The following HS2ST1 variants were observed in gnomAD, a reference collection of about 807,000 sequenced individuals.
HS2ST1 encodes 2-O-sulfotransferase.
A neutral mutation model predicts 42.9 loss-of-function variants in HS2ST1; 18 were observed. That is an observed-to-expected ratio of 0.42 (90% CI 0.29 to 0.62). The LOEUF is 0.62. Ranked by LOEUF, HS2ST1 falls within the 20% of genes least tolerant of loss-of-function variation. The pLI, the probability that HS2ST1 is intolerant of heterozygous loss-of-function variation, is 0.21. For missense variants in HS2ST1, 334 were observed against 433.8 expected (o/e 0.77, Z 2.04); for synonymous variants, 146 against 152.9 (o/e 0.95, Z 0.33).
intron 1 of HS2ST1, among the ~76,000 whole-genome samples, chr1:86,947,729 T>C (rs910311194): frequency 2.0e-5 from 3 of 152,164 alleles, no homozygotes; most frequent in Non-Finnish European, 4.4e-5. Flanking sequence ...TATTCAGAGT[T>C]ATTATATGCT....
At chr1:86,944,513 C>T (rs1295695779) in intron 1 of HS2ST1, among the ~76,000 whole-genome samples, 1 of 151,964 alleles carries the variant, frequency 6.6e-6, no homozygotes, top group Non-Finnish European at 1.5e-5. Flanking sequence ...CACCACCATG[C>T]CCGGCTCATT....
intron 2 of HS2ST1, among the ~76,000 whole-genome samples, chr1:87,082,947 T>C (rs544123214): frequency 6.6e-6 from 1 of 152,364 alleles, no homozygotes; most frequent in South Asian, 2.1e-4. Context: ...TTTAAGGATG[T>C]ATATGTGTAT....
chr1:87,102,547 C>G (rs1452900456), intron 5 of HS2ST1, among the ~76,000 whole-genome samples: 1 of 152,206 alleles, frequency 6.6e-6, no homozygotes, highest in East Asian at 1.9e-4. Flanking sequence ...ATATCCAAAC[C>G]ATATCACTAT....
intron 1 of HS2ST1, among the ~76,000 whole-genome samples, chr1:86,925,931 T>A (rs527399873): frequency 1.6e-4 from 24 of 152,366 alleles, no homozygotes; most frequent in African/African-American, 5.3e-4. Flanking sequence ...AATTTTTAAC[T>A]GGATGGCAGA....
chr1:87,079,026 T>C (rs1416386009), intron 2 of HS2ST1, among the ~76,000 whole-genome samples: 1 of 152,194 alleles, frequency 6.6e-6, no homozygotes, highest in African/African-American at 2.4e-5. Context: ...AATAAAACTT[T>C]TAAAAGTACT....
Position 87,009,806 on chromosome 1 carries a change from G to A in HS2ST1, c.125-63128G>A, listed in dbSNP as rs138140844. 4.6e-3 allele frequency among the ~76,000 whole-genome samples: 700 copies of A among 152,010 alleles called. 3 individuals carry two copies. Among genetic ancestry groups the A allele is most frequent in the Middle Eastern group, 0.02 (6 of 294 alleles). On this transcript the variant is annotated intron_variant, in intron 1 of 6. Transcript: ENST00000370550. ...TCTCAGCACTTTGGGAGGCCGAGGCGGGTGGATCACGAGGTCAGGAGATCG... is the reference window on the plus strand; with the variant it reads ...TCTCAGCACTTTGGGAGGCCGAGGCAGGTGGATCACGAGGTCAGGAGATCG...
At chr1:87,067,053 G>A (rs1651271476) in intron 1 of HS2ST1, among the ~76,000 whole-genome samples, 1 of 152,180 alleles carries the variant, frequency 6.6e-6, no homozygotes, top group African/African-American at 2.4e-5. Context: ...TGTCTTTATA[G>A]TAGAATAATT....
intron 1 of HS2ST1, among the ~76,000 whole-genome samples, chr1:87,008,531 G>T (rs1474308720): frequency 6.6e-6 from 1 of 152,192 alleles, no homozygotes; most frequent in Non-Finnish European, 1.5e-5. Context: ...CAGTTATCCA[G>T]AAACTCCAAG....
chr1:86,952,389 C>G (rs1374946055), intron 1 of HS2ST1, among the ~76,000 whole-genome samples: 1 of 152,006 alleles, frequency 6.6e-6, no homozygotes. Flanking sequence ...AGGCACGTAC[C>G]ACCACGCCCG....
chr1:86,985,473 T>C lies in HS2ST1; in HGVS notation c.124+70313T>C, dbSNP rs935741929. On this transcript the variant is annotated intron_variant, in intron 1 of 6. Coordinates refer to ENST00000370550, the MANE Select transcript of HS2ST1 (RefSeq NM_012262.4). ...ATATACACACATATATACACATATA[T>C]ACACATATATACACATATATATACA... Among the ~76,000 whole-genome samples the C allele has an allele frequency of 7.9e-5, 6 of 76,224 alleles. No individual in the cohort carries two copies. In the East Asian group the frequency reaches 2.2e-3, roughly 27 times the overall value. The allele number at this position is 76,224 out of a possible 152,430, so 50.0% of individuals were successfully genotyped here.
intron 1 of HS2ST1, among the ~76,000 whole-genome samples, chr1:86,979,384 G>A (rs1648514727): frequency 6.6e-6 from 1 of 151,924 alleles, no homozygotes; most frequent in African/African-American, 2.4e-5. Flanking sequence ...CCAGCCCCTG[G>A]GTAACCACTG....
intron 1 of HS2ST1, among the ~76,000 whole-genome samples, chr1:86,921,091 T>TA (rs1553130045): frequency 5.3e-5 from 8 of 151,730 alleles, no homozygotes; most frequent in South Asian, 2.1e-4. Context: ...CAATTACAAA[T>TA]AAAAAAAAAC....
At chr1:86,923,564 T>C (rs1387310054) in intron 1 of HS2ST1, among the ~76,000 whole-genome samples, 2 of 151,972 alleles carry the variant, frequency 1.3e-5, no homozygotes, top group East Asian at 3.9e-4. Flanking sequence ...GCCTGGCCAA[T>C]ATTTTGTATT....
chr1:87,046,363 G>T, intron 1 of HS2ST1: 1 of 758,236 alleles, frequency 1.3e-6, no homozygotes, highest in African/African-American at 1.7e-5. Flanking sequence ...AAGTACTTAA[G>T]AAGTATCTCC....
chr1:87,028,764 A>T (rs1650155741), intron 1 of HS2ST1, among the ~76,000 whole-genome samples: 1 of 152,370 alleles, frequency 6.6e-6, no homozygotes, highest in South Asian at 2.1e-4. Context: ...GAAAAGAATT[A>T]CAGGAAATGA....
chr1:87,014,820 AG>A (rs1649703428), intron 1 of HS2ST1, among the ~76,000 whole-genome samples: 1 of 152,234 alleles, frequency 6.6e-6, no homozygotes, highest in Non-Finnish European at 1.5e-5. Context: ...TTTATAGCCA[AG>A]GATAATCATT....
intron 1 of HS2ST1, among the ~76,000 whole-genome samples, chr1:87,040,328 T>G (rs1234970906): frequency 6.6e-6 from 1 of 152,170 alleles, no homozygotes; most frequent in Non-Finnish European, 1.5e-5. Flanking sequence ...AGTCTGAGGA[T>G]TTTTGCTTGA....
chr1:87,086,505 A>G (rs1651818853), intron 3 of HS2ST1, among the ~76,000 whole-genome samples: 1 of 152,214 alleles, frequency 6.6e-6, no homozygotes, highest in Non-Finnish European at 1.5e-5. Context: ...TGAATTTGGC[A>G]AAATACTTAT....
chr1:87,081,982 AAAG>A (rs926156057), intron 2 of HS2ST1, among the ~76,000 whole-genome samples: 7 of 150,636 alleles, frequency 4.6e-5, no homozygotes, highest in African/African-American at 1.7e-4. Flanking sequence ...AAAAAAAAAA[AAAG>A]AAAAAAAAGA....
Sources: allele counts gnomAD v4.1 joint callset (sites outside exome capture counted in the v4.1 genomes callset), GRCh38; gene constraint gnomAD v4.1.1; transcripts MANE v1.5; gene names NCBI Gene and HGNC (gene_info 2026-07-23, HGNC 2026-07-21).